The following SORCS1 variants were observed in gnomAD, a reference collection of about 807,000 sequenced individuals.
SORCS1 encodes the protein sortilin related VPS10 domain containing receptor 1.
SORCS1 carries 60 observed loss-of-function variants against 146.1 expected under a neutral mutation model. The observed-to-expected ratio is 0.41, with a 90% CI of 0.33 to 0.51. SORCS1 has a LOEUF of 0.51. Among genes scored for constraint, SORCS1 ranks in the 20% least tolerant of loss-of-function variants. SORCS1 has a pLI of 0.21. For synonymous variants in SORCS1, 637 were observed against 584.0 expected (o/e 1.09, Z -1.31); for missense variants, 1,352 against 1,487.6 (o/e 0.91, Z 1.50).
At chr10:106,836,302 G>A (rs890109032) in intron 2 of SORCS1, among the ~76,000 whole-genome samples, 4 of 151,692 alleles carry the variant, frequency 2.6e-5, no homozygotes, top group Non-Finnish European at 5.9e-5. Context: ...GTGAAACCCC[G>A]TCTCTACTAA....
chr10:107,107,503 C>A (rs1479929688), intron 1 of SORCS1, among the ~76,000 whole-genome samples: 2 of 152,216 alleles, frequency 1.3e-5, no homozygotes, highest in Non-Finnish European at 2.9e-5. Flanking sequence ...AAACAAAGCA[C>A]TGAAGGAGTG....
At position 106,802,317 on chromosome 10, in the gene SORCS1, C is replaced by G. The variant is rs74596727; in HGVS notation, c.727-25625G>C. On this transcript the variant is annotated intron_variant, in intron 3 of 25. Coordinates refer to ENST00000263054, the MANE Select transcript of SORCS1 (RefSeq NM_052918.5). Reference sequence around the variant, plus strand: ...GAGAAACATATGTACAATGGAAGGGCCACTTAGCAAAATTTAACTTTACAC... The same window carrying G: ...GAGAAACATATGTACAATGGAAGGGGCACTTAGCAAAATTTAACTTTACAC... Among the ~76,000 whole-genome samples, 318 of 152,168 alleles carry G rather than the reference C, an allele frequency of 2.1e-3. 12 individuals are homozygous for G. In the East Asian group the frequency reaches 0.048, roughly 23 times the overall value.
intron 1 of SORCS1, among the ~76,000 whole-genome samples, chr10:107,049,275 G>C (rs892389962): frequency 1.8e-5 from 2 of 109,874 alleles, no homozygotes; most frequent in African/African-American, 3.5e-5. Flanking sequence ...GTTGTGGGGT[G>C]GGGGGAGGGG....
At chr10:106,929,308 G>T (rs1953264188) in intron 2 of SORCS1, among the ~76,000 whole-genome samples, 1 of 152,046 alleles carries the variant, frequency 6.6e-6, no homozygotes, top group African/African-American at 2.4e-5. Flanking sequence ...ATTTTATGTG[G>T]GATCCCTGTG....
intron 1 of SORCS1, among the ~76,000 whole-genome samples, chr10:107,094,052 A>G (rs1054195878): frequency 1.2e-4 from 18 of 152,246 alleles, no homozygotes; most frequent in African/African-American, 4.1e-4. Context: ...CTTCTCCCAG[A>G]CTTTCTAACA....
chr10:106,664,169 C>T (rs1049864885), intron 17 of SORCS1, among the ~76,000 whole-genome samples: 4 of 152,170 alleles, frequency 2.6e-5, no homozygotes, highest in Non-Finnish European at 2.9e-5. Context: ...GTTGTAATTT[C>T]GTGACTACTA....
intron 24 of SORCS1, among the ~76,000 whole-genome samples, chr10:106,581,322 TACACAC>T (rs3044191): frequency 0.23 from 33,046 of 142,290 alleles, 4,074 homozygotes; most frequent in East Asian, 0.49. Context: ...TCGTCATACA[TACACAC>T]ACACACACAC....
Position 106,776,691 on chromosome 10 carries a change from A to G in SORCS1, c.728T>C (p.Ile243Thr). The G allele has an allele frequency of 6.2e-7, 1 of 1,603,064 alleles. No homozygotes were observed. Among genetic ancestry groups the G allele is most frequent in the South Asian group, 1.1e-5 (1 of 89,750 alleles). ...LYVCPTNKRK[I>T]MLLTDPEIES... The stretch of plus-strand genomic sequence containing the variant: ...AATCTCCGGGTCTGTGAGTAACATT[A>G]TCTGCAGCAAAGAATTGTTGGAGAA... The change falls in exon 4 of 26, where the codon ATA becomes ACA. Residue 243 changes from isoleucine to threonine, a missense_variant and splice_region_variant. Transcript: ENST00000263054.
At chr10:107,067,544 A>T (rs1300913463) in intron 1 of SORCS1, among the ~76,000 whole-genome samples, 1 of 152,236 alleles carries the variant, frequency 6.6e-6, no homozygotes, top group Non-Finnish European at 1.5e-5. Flanking sequence ...GATATAGGGA[A>T]TGCTGTGTGC....
At chr10:106,623,751 C>T (rs1349881275) in intron 19 of SORCS1, among the ~76,000 whole-genome samples, 2 of 152,058 alleles carry the variant, frequency 1.3e-5, no homozygotes, top group African/African-American at 2.4e-5. Flanking sequence ...CTGCAACCTC[C>T]ACCTCTCGGG....
At chr10:106,694,276 T>G (rs937968322) in intron 9 of SORCS1, among the ~76,000 whole-genome samples, 8 of 152,158 alleles carry the variant, frequency 5.3e-5, no homozygotes, top group Non-Finnish European at 2.9e-5. Flanking sequence ...TTATTATTAT[T>G]TTTCCTTTTT....
At chr10:107,123,564 G>C in intron 1 of SORCS1, among the ~76,000 whole-genome samples, 1 of 152,150 alleles carries the variant, frequency 6.6e-6, no homozygotes, top group East Asian at 1.9e-4. Context: ...AAGAAACTGA[G>C]ATGTGTCCAG....
chr10:106,628,219 C>G (rs1220060350), intron 19 of SORCS1, among the ~76,000 whole-genome samples: 1 of 152,164 alleles, frequency 6.6e-6, no homozygotes, highest in Admixed American at 6.5e-5. Context: ...GACTCAACAA[C>G]CAAAACACCT....
chr10:106,704,015 G>C (rs1416842575), intron 8 of SORCS1, among the ~76,000 whole-genome samples: 1 of 152,156 alleles, frequency 6.6e-6, no homozygotes, highest in Non-Finnish European at 1.5e-5. Context: ...TGCAAATTTG[G>C]GTTCAAAGTA....
intron 1 of SORCS1, among the ~76,000 whole-genome samples, chr10:106,983,736 G>A (rs7897613): frequency 0.42 from 63,490 of 151,958 alleles, 15,970 homozygotes; most frequent in African/African-American, 0.72. Flanking sequence ...TCAAACATAC[G>A]CTGCCATCTC....
At chr10:107,096,831 C>T (rs139100651) in intron 1 of SORCS1, among the ~76,000 whole-genome samples, 2 of 152,144 alleles carry the variant, frequency 1.3e-5, no homozygotes, top group South Asian at 2.1e-4. Flanking sequence ...TTCTTAAAGG[C>T]CAAATTCCTA....
chr10:106,827,967 A>G (rs1027135938), intron 3 of SORCS1, among the ~76,000 whole-genome samples: 2 of 152,270 alleles, frequency 1.3e-5, no homozygotes, highest in Admixed American at 6.5e-5. Flanking sequence ...GAAAATTTCT[A>G]TCATCAAGTT....
intron 1 of SORCS1, among the ~76,000 whole-genome samples, chr10:107,121,370 C>T (rs1048757342): frequency 6.6e-6 from 1 of 152,174 alleles, no homozygotes; most frequent in Admixed American, 6.5e-5. Flanking sequence ...AGAGCTAGAA[C>T]TGGTTACATG....
chr10:107,166,909 A>G (rs896261557), upstream of SORCS1, among the ~76,000 whole-genome samples: 1 of 152,218 alleles, frequency 6.6e-6, no homozygotes, highest in Non-Finnish European at 1.5e-5. Context: ...CATTTATGTT[A>G]TTTTGGTTTC....
Sources: allele counts gnomAD v4.1 joint callset (sites outside exome capture counted in the v4.1 genomes callset), GRCh38; gene constraint gnomAD v4.1.1; transcripts MANE v1.5; gene names NCBI Gene and HGNC (gene_info 2026-07-23, HGNC 2026-07-21).